The following VRK2 variants were observed in gnomAD, a reference collection of about 807,000 sequenced individuals.
The protein encoded by VRK2 is serine/threonine-protein kinase VRK2.
In VRK2, 60 loss-of-function variants were observed where a neutral mutation model predicts 57.6. The ratio of observed to expected loss-of-function variants is 1.04; its 90% CI spans 0.85 to 1.29. VRK2 has a LOEUF of 1.29. Among genes scored for constraint, VRK2 ranks in the 50% most tolerant of loss-of-function variants. The probability of loss-of-function intolerance (pLI) is 0.00; values close to 1 mark genes in which losing one functional copy is unlikely to be tolerated. For synonymous variants in VRK2, 231 were observed against 199.2 expected, an observed-to-expected ratio of 1.16 and a Z score of -1.35; for missense variants, 705 against 588.1, an observed-to-expected ratio of 1.20 and a Z score of -2.06.
intron 11 of VRK2, among the ~76,000 whole-genome samples, chr2:58,141,068 A>C (rs900103044): frequency 6.6e-6 from 1 of 152,056 alleles, no homozygotes; most frequent in South Asian, 2.1e-4. Context: ...ACAAGAGTTC[A>C]TGTTTAATAA....
At chr2:57,942,454 A>C (rs1040286286) in intron 1 of VRK2, among the ~76,000 whole-genome samples, 4 of 152,162 alleles carry the variant, frequency 2.6e-5, no homozygotes, top group African/African-American at 9.6e-5. Flanking sequence ...TGCATATGTA[A>C]GTAGGTCCCT....
chr2:58,086,841 T>C (rs1341746888), intron 5 of VRK2, among the ~76,000 whole-genome samples: 1 of 152,130 alleles, frequency 6.6e-6, no homozygotes, highest in African/African-American at 2.4e-5. Context: ...CTAGAGCAAT[T>C]AATTGGGGGA....
rs773870590 is a variant in VRK2, at chr2:58,146,443, T to C, written c.1151T>C (p.Leu384Pro). 6.2e-7 allele frequency: 1 copy of C among 1,610,950 alleles called. No homozygotes were observed. Among genetic ancestry groups the C allele is most frequent in the Non-Finnish European group, 8.5e-7 (1 of 1,177,956 alleles). Reference protein sequence around the residue: ...ATWKVQKEEKLIGLMNNEAAQ... With the variant: ...ATWKVQKEEKPIGLMNNEAAQ... ...TGGAAAGTGCAGAAAGAGGAGAAACTGATTGGATTGATGAACAATGAAGCA... is the reference window on the plus strand; with the variant it reads ...TGGAAAGTGCAGAAAGAGGAGAAACCGATTGGATTGATGAACAATGAAGCA... The change falls in exon 12 of 13, where the codon CTG becomes CCG. Residue 384 changes from leucine to proline, a missense_variant. Transcript: ENST00000340157.
At chr2:57,921,692 T>A (rs1203090261) in intron 1 of VRK2, among the ~76,000 whole-genome samples, 1 of 152,130 alleles carries the variant, frequency 6.6e-6, no homozygotes, top group African/African-American at 2.4e-5. Flanking sequence ...TAGGGAACAG[T>A]AAGTTCCCAG....
intron 2 of VRK2, among the ~76,000 whole-genome samples, chr2:58,076,464 G>A (rs1457560152): frequency 6.6e-6 from 1 of 151,800 alleles, no homozygotes. Flanking sequence ...TTAAAAATTC[G>A]AAGTATGATT....
intron 7 of VRK2, among the ~76,000 whole-genome samples, chr2:58,097,320 A>T (rs1031721742): frequency 1.3e-5 from 2 of 151,948 alleles, no homozygotes; most frequent in African/African-American, 4.8e-5. Context: ...TTTTTTAAAT[A>T]AAAATTATTG....
At chr2:58,006,630 T>C (rs777794762) in intron 1 of VRK2, among the ~76,000 whole-genome samples, 2 of 152,086 alleles carry the variant, frequency 1.3e-5, no homozygotes, top group Non-Finnish European at 2.9e-5. Flanking sequence ...TGGGAGTAAT[T>C]GGATCCTGGA....
chr2:57,978,484 A>G (rs2104041619), intron 1 of VRK2, among the ~76,000 whole-genome samples: 1 of 151,190 alleles, frequency 6.6e-6, no homozygotes, highest in East Asian at 1.9e-4. Flanking sequence ...AATTTAAGTC[A>G]TTGACATCAT....
In VRK2 at chr2:57,911,263, C is replaced by A. The variant is rs547092797; in HGVS notation, c.-439+3424C>A. Among the ~76,000 whole-genome samples the A allele has an allele frequency of 5.9e-5, 9 of 152,142 alleles. No individual in the cohort carries two copies. The South Asian group carries it at 1.9e-3, about 32-fold the overall frequency. On this transcript the variant is annotated intron_variant, in intron 1 of 15. Transcript: ENST00000417641. ...TGTGACTCTGTGTTTCAGAGTTTCC[C>A]AAGCTATATGTCCCTAGAGACTTGT...
At chr2:58,040,654 G>A (rs373704260) in intron 3 of VRK2, among the ~76,000 whole-genome samples, 1 of 152,216 alleles carries the variant, frequency 6.6e-6, no homozygotes, top group East Asian at 1.9e-4. Context: ...TGCCTTGCAA[G>A]CTACAGAATG....
In VRK2 at chr2:57,931,814, CTTT is replaced by C. The variant is rs55860900; in HGVS notation, c.-439+23988_-439+23990del. On this transcript the variant is annotated intron_variant, in intron 1 of 15. Transcript: ENST00000417641. ...GTGGTGTAACATAGGGATCAACTTT[CTTT>C]TTTTTTTTTTTTGGTATATGTATAT... Among the ~76,000 whole-genome samples, 214 of 143,364 alleles carry C rather than the reference CTTT, an allele frequency of 1.5e-3. 1 individual carries two copies. Among genetic ancestry groups the C allele is most frequent in the South Asian group, 1.6e-3 (7 of 4,486 alleles). The allele number at this position is 143,364 out of a possible 152,430, so 94.1% of individuals were successfully genotyped here.
intron 1 of VRK2, among the ~76,000 whole-genome samples, chr2:57,944,999 G>A (rs1394561383): frequency 6.6e-6 from 1 of 152,074 alleles, no homozygotes; most frequent in Admixed American, 6.6e-5. Flanking sequence ...TACATATGAG[G>A]AAACAGAGAC....
chr2:58,062,981 G>T (rs148786059), intron 2 of VRK2, among the ~76,000 whole-genome samples: 2 of 152,046 alleles, frequency 1.3e-5, no homozygotes, highest in East Asian at 1.9e-4. Flanking sequence ...TGGGTTCAAA[G>T]CTTCTAAGGA....
chr2:58,101,855 T>C (rs189419127), intron 7 of VRK2, among the ~76,000 whole-genome samples: 43 of 151,842 alleles, frequency 2.8e-4, no homozygotes, highest in African/African-American at 1.0e-3. Flanking sequence ...TTTCAACTTA[T>C]ATTTCCAGAA....
intron 7 of VRK2, among the ~76,000 whole-genome samples, chr2:58,093,192 C>T (rs1176350852): frequency 2.0e-5 from 3 of 152,164 alleles, no homozygotes; most frequent in Admixed American, 6.5e-5. Flanking sequence ...AATGGGATGG[C>T]TGGGTCAAAT....
At chr2:57,952,117 G>T (rs1055391553) in intron 1 of VRK2, among the ~76,000 whole-genome samples, 49 of 151,422 alleles carry the variant, frequency 3.2e-4, no homozygotes, top group African/African-American at 1.2e-3. Flanking sequence ...TATATTTATA[G>T]AGAGAGAGAG....
intron 1 of VRK2, among the ~76,000 whole-genome samples, chr2:58,011,574 T>A (rs1673419906): frequency 6.6e-6 from 1 of 152,200 alleles, no homozygotes; most frequent in African/African-American, 2.4e-5. Flanking sequence ...TTTTCCTCTT[T>A]ATGAATTTTT....
intron 7 of VRK2, among the ~76,000 whole-genome samples, chr2:58,109,698 C>A (rs77998264): frequency 1.3e-5 from 2 of 152,276 alleles, no homozygotes; most frequent in Non-Finnish European, 2.9e-5. Flanking sequence ...TAATCACTTC[C>A]CAGGGGTCCT....
intron 1 of VRK2, among the ~76,000 whole-genome samples, chr2:57,967,887 C>T (rs1407790238): frequency 2.6e-5 from 4 of 151,996 alleles, no homozygotes; most frequent in Non-Finnish European, 5.9e-5. Flanking sequence ...GGGAGCAAGA[C>T]GTTTCTTCAT....
Sources: gnomAD v4.1 joint callset for allele counts (sites outside exome capture counted in the v4.1 genomes callset) on GRCh38, gnomAD v4.1.1 for gene constraint, MANE v1.5 for transcripts, NCBI Gene and HGNC (gene_info 2026-07-23, HGNC 2026-07-21) for gene names.